Variants in GBF1 observed in about 807,000 individuals in gnomAD.
The protein encoded by GBF1 is Golgi-specific brefeldin A-resistance guanine nucleotide exchange factor 1.
Under a neutral mutation model 210.5 loss-of-function variants are expected in GBF1, and 114 were observed. The ratio of observed to expected loss-of-function variants is 0.54; its 90% confidence interval spans 0.47 to 0.63. GBF1 has a LOEUF of 0.63. Among genes scored for constraint, GBF1 ranks in the 30% least tolerant of loss-of-function variants. GBF1 has a pLI of 0.00. For synonymous variants in GBF1, 850 were observed against 889.2 expected (o/e 0.96, Z 0.78); for missense variants, 1,851 against 2,357.7 (o/e 0.79, Z 4.45).
At chr10:102,319,353 A>G (rs1305623631) in intron 3 of GBF1, among the ~76,000 whole-genome samples, 2 of 151,120 alleles carry the variant, frequency 1.3e-5, no homozygotes, top group Admixed American at 6.6e-5. Flanking sequence ...AGCCTGGGTA[A>G]CATAGCAGGA....
chr10:102,321,335 T>G (rs2056372484), intron 3 of GBF1, among the ~76,000 whole-genome samples: 1 of 151,962 alleles, frequency 6.6e-6, no homozygotes, highest in Admixed American at 6.6e-5. Context: ...TCATAAATAT[T>G]TAATAAGTGT....
chr10:102,232,631 G>A, the GBF1 span, among the ~76,000 whole-genome samples: 9 of 152,192 alleles, frequency 5.9e-5, no homozygotes, highest in African/African-American at 7.2e-5. Flanking sequence ...GCAGCGAGCC[G>A]AGATGGTGCT....
chr10:102,323,936 C>T (rs567525685), intron 3 of GBF1, among the ~76,000 whole-genome samples: 3 of 152,252 alleles, frequency 2.0e-5, no homozygotes, highest in Admixed American at 6.5e-5. Context: ...TGAACCCTGC[C>T]TGCCTACTTT....
At chr10:102,311,746 A>G (rs956933110) in intron 3 of GBF1, among the ~76,000 whole-genome samples, 7 of 152,168 alleles carry the variant, frequency 4.6e-5, no homozygotes, top group Non-Finnish European at 1.0e-4. Flanking sequence ...TGTAGAATCA[A>G]CTATTCCTAT....
At chr10:102,364,459 C>CAG (rs2059799262) in intron 17 of GBF1, among the ~76,000 whole-genome samples, 1 of 149,376 alleles carries the variant, frequency 6.7e-6, no homozygotes, top group Admixed American at 6.6e-5. Context: ...CTCCTGACCT[C>CAG]GTGATCTGCC....
intron 3 of GBF1, among the ~76,000 whole-genome samples, chr10:102,263,744 A>G (rs911432507): frequency 2.0e-5 from 3 of 152,224 alleles, no homozygotes; most frequent in African/African-American, 7.2e-5. Context: ...CCTAAACTGT[A>G]TGATGACTAC....
the GBF1 span, chr10:102,231,225 G>C: frequency 4.1e-6 from 4 of 974,672 alleles, no homozygotes; most frequent in Non-Finnish European, 5.8e-6. Context: ...GGTGGCTAGA[G>C]ACGGGGTGGG....
chr10:102,258,150 A>ATTT (rs60505807), intron 1 of GBF1, among the ~76,000 whole-genome samples: 10 of 96,934 alleles, frequency 1.0e-4, no homozygotes, highest in Non-Finnish European at 1.4e-4. Context: ...AGTATTACAG[A>ATTT]TTTTTTTTTT....
At chr10:102,266,822 G>A (rs758455713) in intron 3 of GBF1, among the ~76,000 whole-genome samples, 5 of 152,184 alleles carry the variant, frequency 3.3e-5, no homozygotes, top group Non-Finnish European at 5.9e-5. Context: ...AGGTTATGGC[G>A]TGCTTGAGTT....
At chr10:102,337,255 G>A (rs1565126004) in intron 3 of GBF1, among the ~76,000 whole-genome samples, 1 of 136,270 alleles carries the variant, frequency 7.3e-6, no homozygotes, top group Admixed American at 7.7e-5. Context: ...GTGGGCGCCT[G>A]TAGTCCCAGG....
At chr10:102,324,671 C>T (rs2056744408) in intron 3 of GBF1, among the ~76,000 whole-genome samples, 1 of 152,268 alleles carries the variant, frequency 6.6e-6, no homozygotes, top group Middle Eastern at 3.4e-3. Context: ...ACTGCAGCCT[C>T]CACCTTCCAG....
chr10:102,358,292 C>A, intron 9 of GBF1, 106 bp downstream of exon 9: 2 of 1,061,496 alleles, frequency 1.9e-6, no homozygotes, highest in Non-Finnish European at 1.4e-6. Flanking sequence ...TTGGTCTTGG[C>A]GCTGAGAACA....
intron 3 of GBF1, among the ~76,000 whole-genome samples, chr10:102,319,844 T>G (rs1332910985): frequency 6.6e-6 from 1 of 151,254 alleles, no homozygotes; most frequent in East Asian, 2.0e-4. Flanking sequence ...TTTTCCTGCC[T>G]CTGCCTCCTG....
chr10:102,375,526 A>T lies in GBF1; in HGVS notation c.3828A>T (p.Ser1276=). ...TCACACTGCTGGAGTGCATCGGCTC[A>T]GGTGTGAAGCCTCCAGCTGCTCTGC... ...TLFTLLECIG[S]GVKPPAALQA... The change falls in exon 30 of 40, where the codon TCA becomes TCT. Residue 1276 remains serine (S), a synonymous_variant. Coordinates refer to ENST00000369983, the MANE Select transcript of GBF1 (RefSeq NM_001377137.1). The T allele has an allele frequency of 1.2e-6, 2 of 1,614,018 alleles. No homozygotes were observed. Among genetic ancestry groups the T allele is most frequent in the Non-Finnish European group, 1.7e-6 (2 of 1,179,876 alleles).
At chr10:102,325,563 AAAAG>A (rs1005084318) in intron 3 of GBF1, among the ~76,000 whole-genome samples, 5 of 151,596 alleles carry the variant, frequency 3.3e-5, no homozygotes, top group South Asian at 2.1e-4. Context: ...AAAAAAAAAA[AAAAG>A]AAAGAAAAAA....
At chr10:102,379,704 G>A in intron 35 of GBF1, 53 bp downstream of exon 35, 1 of 1,605,256 alleles carries the variant, frequency 6.2e-7, no homozygotes, top group Non-Finnish European at 8.5e-7. Flanking sequence ...GAAAAGGAAA[G>A]CCAGGCAGCC....
chr10:102,376,103 A>G (rs1170973771), intron 30 of GBF1, among the ~76,000 whole-genome samples, 169 bp from the exon 31 acceptor site: 3 of 151,860 alleles, frequency 2.0e-5, no homozygotes, highest in Non-Finnish European at 1.5e-5. Context: ...TTATTTGGTC[A>G]ACAGAGAAAC....
intron 3 of GBF1, among the ~76,000 whole-genome samples, chr10:102,328,538 A>G (rs553712240): frequency 6.6e-6 from 1 of 152,316 alleles, no homozygotes; most frequent in East Asian, 1.9e-4. Flanking sequence ...CTAAGAATTT[A>G]TGATATGCTG....
At chr10:102,267,374 G>A (rs1051706633) in intron 3 of GBF1, among the ~76,000 whole-genome samples, 39 of 152,180 alleles carry the variant, frequency 2.6e-4, no homozygotes, top group African/African-American at 8.4e-4. Context: ...GTGCGGTGGC[G>A]CATGCCTGTA....
Sources: gnomAD v4.1 joint callset for allele counts (sites outside exome capture counted in the v4.1 genomes callset) on GRCh38, gnomAD v4.1.1 for gene constraint, MANE v1.5 for transcripts, NCBI Gene and HGNC (gene_info 2026-07-23, HGNC 2026-07-21) for gene names.